WDPCP: variants seen among roughly 807,000 people sequenced by gnomAD.
The protein encoded by WDPCP is WD repeat containing planar cell polarity effector.
Under a neutral mutation model 93.1 loss-of-function variants are expected in WDPCP, and 71 were observed. The observed-to-expected ratio is 0.76, with a 90% CI of 0.63 to 0.93. WDPCP has a LOEUF of 0.93. WDPCP is among the 40% of genes least tolerant of loss of function. The probability of loss-of-function intolerance (pLI) is 0.00; values close to 1 mark genes in which losing one functional copy is unlikely to be tolerated. For missense variants in WDPCP, 844 were observed against 887.4 expected, an observed-to-expected ratio of 0.95 and a Z score of 0.62; for synonymous variants, 315 against 315.0, an observed-to-expected ratio of 1.00 and a Z score of 0.00.
At chr2:63,549,583 A>G (rs1575624551) in intron 1 of WDPCP, among the ~76,000 whole-genome samples, 1 of 152,272 alleles carries the variant, frequency 6.6e-6, no homozygotes, top group South Asian at 2.1e-4. Context: ...CCTGGCCAAG[A>G]TGGTGAAACC....
chr2:63,494,063 T>C (rs1701056524), intron 1 of WDPCP, among the ~76,000 whole-genome samples: 1 of 152,154 alleles, frequency 6.6e-6, no homozygotes, highest in Non-Finnish European at 1.5e-5. Flanking sequence ...TCCTTACATT[T>C]ATTTGACCTC....
chr2:63,495,518 A>C (rs1224849397), intron 1 of WDPCP, among the ~76,000 whole-genome samples: 2 of 152,224 alleles, frequency 1.3e-5, no homozygotes, highest in African/African-American at 2.4e-5. Context: ...TTTGTTTTAA[A>C]ATATCAGTTA....
At chr2:63,288,805 T>C (rs1684201089) in intron 13 of WDPCP, among the ~76,000 whole-genome samples, 1 of 152,182 alleles carries the variant, frequency 6.6e-6, no homozygotes, top group Admixed American at 6.5e-5. Context: ...AATGCTTCTT[T>C]AGTCTCCTTT....
chr2:63,687,906 T>G (rs568604751), intron 2 of WDPCP, among the ~76,000 whole-genome samples: 11 of 152,372 alleles, frequency 7.2e-5, no homozygotes, highest in African/African-American at 2.6e-4. Flanking sequence ...TGCAGCACTA[T>G]TCACAATAGC....
intron 1 of WDPCP, among the ~76,000 whole-genome samples, chr2:63,826,785 G>A (rs1671119718): frequency 6.6e-6 from 1 of 152,072 alleles, no homozygotes; most frequent in Non-Finnish European, 1.5e-5. Context: ...ATGCTATACA[G>A]TTAAACTTAA....
intron 1 of WDPCP, among the ~76,000 whole-genome samples, chr2:63,540,688 A>C (rs1245756514): frequency 6.6e-6 from 1 of 152,226 alleles, no homozygotes; most frequent in African/African-American, 2.4e-5. Context: ...TTTCCTAATT[A>C]AAACGATTAA....
intron 3 of WDPCP, chr2:63,597,833 T>C (rs1709347104): frequency 8.5e-6 from 2 of 236,358 alleles, no homozygotes; most frequent in East Asian, 8.2e-5. Context: ...CTTAAACATA[T>C]AGAGAAGGCA....
intron 14 of WDPCP, among the ~76,000 whole-genome samples, chr2:63,210,882 C>T (rs971106673): frequency 3.3e-5 from 5 of 152,224 alleles, no homozygotes; most frequent in African/African-American, 9.6e-5. Flanking sequence ...TGAGATCAAA[C>T]TGCAAGGGGG....
upstream of WDPCP, chr2:63,589,477 A>C (rs897603534): frequency 3.2e-6 from 4 of 1,267,808 alleles, no homozygotes; most frequent in African/African-American, 5.9e-5. Context: ...GGGACCTTGA[A>C]AGCAAAAAGC....
At chr2:63,688,296 G>A (rs545687207) in intron 2 of WDPCP, among the ~76,000 whole-genome samples, 1 of 152,114 alleles carries the variant, frequency 6.6e-6, no homozygotes, top group African/African-American at 2.4e-5. Context: ...GCGTGGTGGT[G>A]GGCGCCTGTA....
chr2:63,323,425 A>C (rs900071031), intron 12 of WDPCP, among the ~76,000 whole-genome samples: 1 of 152,220 alleles, frequency 6.6e-6, no homozygotes, highest in Non-Finnish European at 1.5e-5. Flanking sequence ...AGGGGGGACT[A>C]TCTGGAATTT....
chr2:63,345,912 A>C (rs1689158204), intron 12 of WDPCP, among the ~76,000 whole-genome samples: 1 of 152,148 alleles, frequency 6.6e-6, no homozygotes, highest in Admixed American at 6.6e-5. Flanking sequence ...GTCAAATCTC[A>C]GCACAATCCA....
At chr2:63,684,611 G>T (rs1245556352) in intron 2 of WDPCP, 1 of 719,120 alleles carries the variant, frequency 1.4e-6, no homozygotes, top group East Asian at 2.9e-5. Context: ...TGTCTTCAGA[G>T]ATCCTGCTCT....
chr2:63,705,548 G>A (rs1374399855), intron 2 of WDPCP, among the ~76,000 whole-genome samples: 2 of 152,040 alleles, frequency 1.3e-5, no homozygotes, highest in South Asian at 2.1e-4. Context: ...TCTTCATTTC[G>A]TTATGTACCA....
intron 2 of WDPCP, among the ~76,000 whole-genome samples, chr2:63,808,389 C>G (rs994910638): frequency 6.8e-6 from 1 of 147,540 alleles, no homozygotes; most frequent in Non-Finnish European, 1.5e-5. Flanking sequence ...CCTCTGATGC[C>G]GAGCCGAAGC....
At chr2:63,244,196 C>T (rs1039944394) in intron 14 of WDPCP, among the ~76,000 whole-genome samples, 10 of 152,060 alleles carry the variant, frequency 6.6e-5, no homozygotes, top group Admixed American at 2.6e-4. Flanking sequence ...CACAACTTAC[C>T]GAAATCTCTG....
chr2:63,487,323 G>C, intron 3 of WDPCP, 124 bp downstream of exon 3: 1 of 667,738 alleles, frequency 1.5e-6, no homozygotes, highest in Non-Finnish European at 2.6e-6. Flanking sequence ...AAGAACTGAA[G>C]GGACTTTTCT....
rs1709452776 is a variant in WDPCP at position 63,602,934 on chromosome 2, C to CTTTTGTTTTTTTTT, written n.488+47724_488+47725insAAAAAAAAACAAAA. Among the ~76,000 whole-genome samples, 14 of 131,620 alleles carry CTTTTGTTTTTTTTT rather than the reference C, an allele frequency of 1.1e-4. 1 individual carries two copies. The highest frequency in any genetic ancestry group is 1.8e-4 in the Non-Finnish European group (11 of 59,608). 86.3% of individuals were successfully genotyped at this position (131,620 alleles called of 152,430 possible). On this transcript the variant is annotated intron_variant and non_coding_transcript_variant, in intron 3 of 4. Transcript: ENST00000467687. ...ACATAATACAGTTTATTTAACCGTT[C>CTTTTGTTTTTTTTT]TTTTTTTTTTTTTTTTTTTTTTTTT...
rs201248114 is a variant in WDPCP, at chr2:63,712,800, G to A, written n.309-61962C>T. ...TAATCTGTTTCTAAATAATCTGATCGAGGGTTCATCTGCCTACACCCAAGT... is the reference window on the plus strand; with the variant it reads ...TAATCTGTTTCTAAATAATCTGATCAAGGGTTCATCTGCCTACACCCAAGT... On this transcript the variant is annotated intron_variant and non_coding_transcript_variant, in intron 2 of 4. Coordinates refer to the WDPCP transcript ENST00000467687. 1.1e-4 allele frequency among the ~76,000 whole-genome samples: 16 copies of A among 152,256 alleles called. No homozygotes were observed. In the East Asian group the frequency reaches 1.9e-3, roughly 18 times the overall value.
Sources: allele counts gnomAD v4.1 joint callset (sites outside exome capture counted in the v4.1 genomes callset), GRCh38; gene constraint gnomAD v4.1.1; transcripts MANE v1.5; gene names NCBI Gene and HGNC (gene_info 2026-07-23, HGNC 2026-07-21).